The following TSNARE1 variants were observed in gnomAD, a reference collection of about 807,000 sequenced individuals.
TSNARE1 encodes the protein t-SNARE domain containing 1, also known as t-SNARE domain-containing protein 1.
A neutral mutation model predicts 62.0 loss-of-function variants in TSNARE1; 49 were observed. The ratio of observed to expected loss-of-function variants is 0.79; its 90% confidence interval spans 0.63 to 1.00. The LOEUF is 1.00. Ranked by LOEUF, TSNARE1 falls within the 50% of genes least tolerant of loss-of-function variation. TSNARE1 has a pLI of 0.00. For synonymous variants in TSNARE1, 328 were observed against 294.4 expected (o/e 1.11, Z -1.17); for missense variants, 755 against 700.1 (o/e 1.08, Z -0.88).
chr8:142,334,923 A>T (rs1287773685), intron 4 of TSNARE1, among the ~76,000 whole-genome samples: 2 of 152,266 alleles, frequency 1.3e-5, no homozygotes, highest in African/African-American at 2.4e-5. Flanking sequence ...TGTGAAGTAC[A>T]GGAAATGTTA....
chr8:142,230,443 G>C (rs1479649179), intron 12 of TSNARE1, among the ~76,000 whole-genome samples: 6 of 152,192 alleles, frequency 3.9e-5, no homozygotes, highest in Non-Finnish European at 8.8e-5. Context: ...GTTTAGAGCA[G>C]GAGAGTGACA....
chr8:142,370,315 T>C (rs1316220820), intron 1 of TSNARE1, among the ~76,000 whole-genome samples: 2 of 152,186 alleles, frequency 1.3e-5, no homozygotes, highest in Non-Finnish European at 2.9e-5. Context: ...ATGCCTGTAA[T>C]CCCAGCACTT....
chr8:142,223,743 A>G (rs1441200866), intron 13 of TSNARE1, among the ~76,000 whole-genome samples: 2 of 152,208 alleles, frequency 1.3e-5, no homozygotes, highest in Non-Finnish European at 2.9e-5. Context: ...AACAGCTACC[A>G]AAGACCAATG....
intron 12 of TSNARE1, among the ~76,000 whole-genome samples, chr8:142,257,662 G>A (rs1389508625): frequency 6.6e-6 from 1 of 152,092 alleles, no homozygotes; most frequent in Non-Finnish European, 1.5e-5. Flanking sequence ...ACAACTCCAG[G>A]GGCCTGATAG....
intron 1 of TSNARE1, among the ~76,000 whole-genome samples, chr8:142,393,018 G>A (rs1416480543): frequency 6.6e-6 from 1 of 151,668 alleles, no homozygotes; most frequent in Non-Finnish European, 1.5e-5. Context: ...GGGCCGGCCA[G>A]GGATAGGGAT....
intron 10 of TSNARE1, among the ~76,000 whole-genome samples, chr8:142,290,365 G>A (rs1823554347): frequency 6.6e-6 from 1 of 152,194 alleles, no homozygotes; most frequent in African/African-American, 2.4e-5. Flanking sequence ...CTTAGTAGAT[G>A]GTTAAATCAT....
intron 10 of TSNARE1, among the ~76,000 whole-genome samples, chr8:142,298,862 T>C (rs556427913): frequency 1.3e-5 from 2 of 152,324 alleles, no homozygotes; most frequent in African/African-American, 4.8e-5. Flanking sequence ...GCAGTGCTCC[T>C]GGAGGAGCTC....
intron 4 of TSNARE1, among the ~76,000 whole-genome samples, 169 bp downstream of exon 4, chr8:142,343,797 G>GGGAGGA (rs1191561278): frequency 1.0e-3 from 83 of 80,776 alleles, no homozygotes; most frequent in African/African-American, 1.3e-3. Context: ...GAGGAGGAGG[G>GGGAGGA]GGAGGAGGAG....
At chr8:142,250,655 A>T (rs576975710) in intron 12 of TSNARE1, among the ~76,000 whole-genome samples, 123 of 152,336 alleles carry the variant, frequency 8.1e-4, no homozygotes, top group African/African-American at 2.9e-3. Context: ...CAGCTAGGCA[A>T]CAGGCGCTGG....
chr8:142,330,854 A>G (rs758201648), intron 6 of TSNARE1, 47 bp downstream of exon 6: 8 of 1,598,548 alleles, frequency 5.0e-6, no homozygotes, highest in Admixed American at 3.3e-5. Flanking sequence ...CTGCCCCCCA[A>G]TGTGCACCAC....
intron 6 of TSNARE1, among the ~76,000 whole-genome samples, chr8:142,323,385 G>C (rs924733789): frequency 1.3e-5 from 2 of 152,218 alleles, no homozygotes; most frequent in African/African-American, 4.8e-5. Flanking sequence ...GGAACAGCTC[G>C]TGGCCACCTC....
intron 1 of TSNARE1, among the ~76,000 whole-genome samples, chr8:142,388,902 T>C (rs1295214102): frequency 6.6e-6 from 1 of 152,178 alleles, no homozygotes; most frequent in Non-Finnish European, 1.5e-5. Flanking sequence ...AATGCAATAG[T>C]ATTCACACAC....
chr8:142,335,862 T>C (rs1206383123), intron 4 of TSNARE1, among the ~76,000 whole-genome samples: 1 of 152,234 alleles, frequency 6.6e-6, no homozygotes, highest in Non-Finnish European at 1.5e-5. Flanking sequence ...GAGCCCCATG[T>C]GGCAAATGGC....
Position 142,345,809 on chromosome 8 carries a change from C to A in TSNARE1, c.172G>T (p.Gly58Trp), listed in dbSNP as rs746867006. ...CCCAGATCACCTTCCCCGTCCTTCC[C>A]CACACAGCGGTTCTGCAGCTTGCTC... Reference protein sequence around the residue: ...PESKLQNRCVGKDGEGDLGPA... With the variant: ...PESKLQNRCVWKDGEGDLGPA... Residue 58 changes from glycine to tryptophan, a missense_variant, in exon 3 of 14, where the codon GGG becomes TGG. Physicochemically the swap from Gly to Trp is radical, Grantham distance 184. Coordinates refer to ENST00000524325, the MANE Select transcript of TSNARE1 (RefSeq NM_145003.5). 6.2e-7 allele frequency: 1 copy of A among 1,613,998 alleles called. No individual in the cohort carries two copies. The highest frequency in any genetic ancestry group is 1.1e-5 in the South Asian group (1 of 91,062).
In TSNARE1 at chr8:142,280,116, C is replaced by A. The variant is rs549576459; in HGVS notation, c.1363+4297G>T. On this transcript the variant is annotated intron_variant, in intron 11 of 13. Transcript: ENST00000524325. ...GCTTTCGGGCAGGTGTGCCCCGCAG[C>A]GCCCCGAACAGCAGCGGGTAGTGGC... 4 of 1,133,596 alleles carry A rather than the reference C, an allele frequency of 3.5e-6. No individual in the cohort carries two copies. The African/African-American group carries it at 6.8e-5, about 19-fold the overall frequency. The allele number at this position is 1,133,596 out of a possible 1,614,324, so 70.2% of individuals were successfully genotyped here. A position where few individuals can be genotyped will look rare whatever the true frequency, so the allele number is the denominator to read the frequency against.
At chr8:142,256,981 C>T (rs1001313740) in intron 12 of TSNARE1, among the ~76,000 whole-genome samples, 2 of 152,176 alleles carry the variant, frequency 1.3e-5, no homozygotes, top group African/African-American at 4.8e-5. Flanking sequence ...CATTTGCATG[C>T]CATTTGCATA....
rs140137746 is a variant in TSNARE1, at chr8:142,315,175, C to T, written c.985-83G>A. ...CCACCACCCACACCTCCTCCCGTAC[C>T]GATGTCCCACCTTCCCACACTCAGA... On this transcript the variant is annotated intron_variant, in intron 7 of 13. Transcript: ENST00000524325. 457 of 1,372,952 alleles carry T rather than the reference C, an allele frequency of 3.3e-4. 6 individuals are homozygous for T. The African/African-American group carries it at 5.6e-3, about 17-fold the overall frequency. The allele number at this position is 1,372,952 out of a possible 1,614,324, so 85.0% of individuals were successfully genotyped here.
chr8:142,387,696 A>G (rs942586849), intron 1 of TSNARE1, among the ~76,000 whole-genome samples: 3 of 152,186 alleles, frequency 2.0e-5, no homozygotes, highest in African/African-American at 4.8e-5. Context: ...CTGATCCCAG[A>G]AAGTTCAAAC....
chr8:142,252,351 C>T (rs573278442), intron 12 of TSNARE1, among the ~76,000 whole-genome samples: 1 of 152,322 alleles, frequency 6.6e-6, no homozygotes, highest in Admixed American at 6.5e-5. Flanking sequence ...TCTGTCCTGG[C>T]TGTGCCCCCC....
Sources: allele counts gnomAD v4.1 joint callset (sites outside exome capture counted in the v4.1 genomes callset), GRCh38; gene constraint gnomAD v4.1.1; transcripts MANE v1.5; gene names NCBI Gene and HGNC (gene_info 2026-07-23, HGNC 2026-07-21).